CACNA2D4: variants seen among roughly 807,000 people sequenced by gnomAD.
The protein encoded by CACNA2D4 is voltage-dependent calcium channel subunit alpha-2/delta-4.
In CACNA2D4, 157 loss-of-function variants were observed where a neutral mutation model predicts 163.8. The observed-to-expected ratio is 0.96, with a 90% confidence interval of 0.84 to 1.09. The LOEUF is 1.09. Ranked by LOEUF, CACNA2D4 falls within the 50% of genes least tolerant of loss-of-function variation. CACNA2D4 has a pLI of 0.00. For missense variants in CACNA2D4, 1,410 were observed against 1,479.9 expected (o/e 0.95, Z 0.78); for synonymous variants, 598 against 586.9 (o/e 1.02, Z -0.27).
chr12:1,841,768 T>A (rs1565705161), intron 25 of CACNA2D4, among the ~76,000 whole-genome samples: 1 of 152,294 alleles, frequency 6.6e-6, no homozygotes, highest in East Asian at 1.9e-4. Context: ...ATGACAACAG[T>A]GTCAATTGTC....
chr12:1,846,581 C>T lies in CACNA2D4; in HGVS notation c.2342+13G>A, dbSNP rs767849183. 3.9e-5 allele frequency: 61 copies of T among 1,576,984 alleles called. 2 individuals carry two copies. The highest frequency in any genetic ancestry group is 4.5e-5 in the Non-Finnish European group (53 of 1,165,940). ...GCAGGGATTGCCCTCCCGAGGTGGC[C>T]GGCCCAACCCACCTGTCGGAGACCT... On this transcript the variant is annotated intron_variant, in intron 24 of 37. Transcript: ENST00000382722.
rs558246457 is a variant in CACNA2D4 at position 1,828,454 on chromosome 12, C to T, written c.2551+12285G>A. On this transcript the variant is annotated intron_variant, in intron 26 of 37. Transcript: ENST00000382722. The surrounding 1 kb of genome is among the most constrained non-coding windows in gnomAD (Gnocchi z 4.2). ...TGGTTAGACCTGGAGCTGGAGGCCA[C>T]GACAGTTGTTCTACCTCCCCCAGGT... Among the ~76,000 whole-genome samples, 24 of 152,340 alleles carry T rather than the reference C, an allele frequency of 1.6e-4. No homozygotes were observed. Among genetic ancestry groups the T allele is most frequent in the Admixed American group, 2.6e-4 (4 of 15,308 alleles).
chr12:1,915,247 G>T (rs1308755041), intron 1 of CACNA2D4: 1 of 702,614 alleles, frequency 1.4e-6, no homozygotes, highest in East Asian at 2.7e-5. Flanking sequence ...AGGAGACGCG[G>T]AGAACCCTCA....
intron 6 of CACNA2D4, among the ~76,000 whole-genome samples, chr12:1,896,654 C>CAAAAAA (rs367710895): frequency 4.2e-4 from 52 of 123,998 alleles, no homozygotes; most frequent in African/African-American, 1.3e-3. Flanking sequence ...CACACACACA[C>CAAAAAA]AAAACAGATG....
intron 1 of CACNA2D4, 34 bp downstream of exon 1, chr12:1,918,213 G>A (rs757974190): frequency 1.5e-5 from 22 of 1,503,390 alleles, no homozygotes; most frequent in East Asian, 2.4e-5. Context: ...AAGGGTGACC[G>A]GGTTTTTGGG....
chr12:1,824,744 G>A (rs1167985961), intron 26 of CACNA2D4, among the ~76,000 whole-genome samples: 3 of 152,208 alleles, frequency 2.0e-5, no homozygotes, highest in African/African-American at 2.4e-5. Context: ...CCTTAAGGAG[G>A]CTCCACTCTT....
chr12:1,883,513 G>A lies in CACNA2D4; in HGVS notation c.1352-513C>T, dbSNP rs916445893. Among the ~76,000 whole-genome samples the A allele has an allele frequency of 6.6e-6, 1 of 152,124 alleles. No individual in the cohort carries two copies. The highest frequency in any genetic ancestry group is 1.5e-5 in the Non-Finnish European group (1 of 68,026). ...TGGAACCATGGTGACACTCCAAAGC[G>A]CAGATGGCGCAGAAGGCTGTGAATG... On this transcript the variant is annotated intron_variant, in intron 12 of 37. Transcript: ENST00000382722. The surrounding 1 kb of genome is among the most constrained non-coding windows in gnomAD (Gnocchi z 4.5).
intron 2 of CACNA2D4, 54 bp from the exon 3 acceptor site, chr12:1,913,193 T>C: frequency 4.0e-6 from 5 of 1,252,830 alleles, no homozygotes; most frequent in Non-Finnish European, 5.8e-6. Flanking sequence ...CCAGGATAGT[T>C]GCACCTGTGT....
At chr12:1,846,512 C>T in intron 24 of CACNA2D4, 82 bp downstream of exon 24, 1 of 1,148,336 alleles carries the variant, frequency 8.7e-7, no homozygotes, top group East Asian at 2.6e-5. Context: ...CCAGTCCACC[C>T]ATGGCCCAGG....
intron 35 of CACNA2D4, among the ~76,000 whole-genome samples, 163 bp downstream of exon 35, chr12:1,797,255 C>A (rs1689719979): frequency 6.6e-6 from 1 of 152,246 alleles, no homozygotes; most frequent in Admixed American, 6.5e-5. Context: ...CCACTGAGGA[C>A]GGCGGGGGAA....
rs183421147 is a variant in CACNA2D4, at chr12:1,840,730, C to G, written c.2551+9G>C. ...TTCCTGGCCTCAACACCACAAGGGC[C>G]GTTCCTACCTGCAGCAATGGCTGTC... On this transcript the variant is annotated intron_variant, in intron 26 of 37. Transcript: ENST00000382722. The G allele has an allele frequency of 6.2e-7, 1 of 1,612,324 alleles. No homozygotes were observed. Among genetic ancestry groups the G allele is most frequent in the Non-Finnish European group, 8.5e-7 (1 of 1,178,572 alleles).
At chr12:1,894,637 T>C (rs920013930) in intron 6 of CACNA2D4, among the ~76,000 whole-genome samples, 7 of 148,218 alleles carry the variant, frequency 4.7e-5, no homozygotes, top group Non-Finnish European at 1.0e-4. Context: ...AAAATAACCA[T>C]ATAATCATCT....
rs535141948 is a variant in CACNA2D4, at chr12:1,886,044, A to G, written c.994-5T>C. ...GTAATGGACGTAGTCATTGTACTGC[A>G]GTTGCAGTGAGTTGAGGGGAGGTGG... On this transcript the variant is annotated splice_region_variant and splice_polypyrimidine_tract_variant and intron_variant, in intron 8 of 37. Coordinates refer to ENST00000382722, the MANE Select transcript of CACNA2D4 (RefSeq NM_172364.5). 6.2e-7 allele frequency: 1 copy of G among 1,610,470 alleles called. No homozygotes were observed. Among genetic ancestry groups the G allele is most frequent in the Non-Finnish European group, 8.5e-7 (1 of 1,176,936 alleles).
chr12:1,826,307 G>C (rs74463593), intron 26 of CACNA2D4, among the ~76,000 whole-genome samples: 3,025 of 151,920 alleles, frequency 0.02, 122 homozygotes, highest in African/African-American at 0.07. Context: ...CACCAAGCAG[G>C]TATTGCGGTC....
intron 22 of CACNA2D4, among the ~76,000 whole-genome samples, chr12:1,855,391 A>C (rs1392658813): frequency 1.8e-4 from 28 of 152,156 alleles, no homozygotes; most frequent in Non-Finnish European, 1.5e-5. Context: ...TCCAAAGAGG[A>C]AGAAGGAGGA....
intron 14 of CACNA2D4, among the ~76,000 whole-genome samples, 156 bp downstream of exon 14, chr12:1,879,648 T>C (rs1043088523): frequency 1.3e-5 from 2 of 152,172 alleles, no homozygotes; most frequent in Non-Finnish European, 2.9e-5. Context: ...CAGGAGAGTC[T>C]GGGGTAGCTA....
chr12:1,897,149 C>T (rs12321956), intron 6 of CACNA2D4, among the ~76,000 whole-genome samples: 5,584 of 152,074 alleles, frequency 0.037, 333 homozygotes, highest in African/African-American at 0.12. Context: ...TACATGTTCT[C>T]GTTCATATGT....
At chr12:1,893,139 G>T (rs1042587247) in intron 6 of CACNA2D4, among the ~76,000 whole-genome samples, 1 of 152,292 alleles carries the variant, frequency 6.6e-6, no homozygotes, top group South Asian at 2.1e-4. Context: ...TTGACTAAAT[G>T]GACCTAGGCA....
At chr12:1,897,773 A>G (rs1866441549) in intron 6 of CACNA2D4, among the ~76,000 whole-genome samples, 1 of 152,212 alleles carries the variant, frequency 6.6e-6, no homozygotes, top group South Asian at 2.1e-4. Context: ...ATACACATTA[A>G]AATAAAAAGT....
Sources: allele counts gnomAD v4.1 joint callset (sites outside exome capture counted in the v4.1 genomes callset), GRCh38; gene constraint gnomAD v4.1.1; non-coding constraint Gnocchi (gnomAD v3.1); transcripts MANE v1.5; gene names NCBI Gene and HGNC (gene_info 2026-07-23, HGNC 2026-07-21).